The following CSTPP1 variants were observed in gnomAD, a reference collection of about 807,000 sequenced individuals.
CSTPP1 encodes the protein UPF0705 protein C11orf49.
the CSTPP1 span, among the ~76,000 whole-genome samples, chr11:47,127,112 G>C: frequency 6.6e-6 from 1 of 152,150 alleles, no homozygotes; most frequent in African/African-American, 2.4e-5. Context: ...ATCATAGGGA[G>C]CCAGTCTGTG....
At chr11:46,939,631 C>CATAGATAGATAG in the CSTPP1 span, among the ~76,000 whole-genome samples, 46 of 116,956 alleles carry the variant, frequency 3.9e-4, no homozygotes, top group East Asian at 4.9e-3. Flanking sequence ...CTCTAAAATG[C>CATAGATAGATAG]ATAGATAGAT....
chr11:46,969,129 A>T, the CSTPP1 span, among the ~76,000 whole-genome samples: 1,248 of 152,098 alleles, frequency 8.2e-3, 7 homozygotes, highest in Non-Finnish European at 0.013. Flanking sequence ...GGTCCCCATG[A>T]CTCCCACGGC....
At chr11:47,038,826 G>T in the CSTPP1 span, among the ~76,000 whole-genome samples, 1 of 120,076 alleles carries the variant, frequency 8.3e-6, no homozygotes, top group Non-Finnish European at 2.0e-5. Flanking sequence ...CTTCTCAGAC[G>T]GGGCGGTTGC....
chr11:47,163,173 TA>T, the CSTPP1 span, among the ~76,000 whole-genome samples: 3,207 of 108,182 alleles, frequency 0.03, 47 homozygotes, highest in South Asian at 0.1. Context: ...GAGACCATCT[TA>T]AAAAAAAAAA....
At chr11:47,056,996 C>A in the CSTPP1 span, among the ~76,000 whole-genome samples, 7 of 152,160 alleles carry the variant, frequency 4.6e-5, no homozygotes, top group Admixed American at 4.6e-4. Flanking sequence ...ACCTGTAGAA[C>A]TCTAAGGACC....
the CSTPP1 span, among the ~76,000 whole-genome samples, chr11:46,966,192 G>A: frequency 1.3e-5 from 2 of 152,058 alleles, no homozygotes; most frequent in African/African-American, 4.8e-5. Context: ...ACAGACGTGC[G>A]CCACCATGCC....
chr11:46,938,015 C>T, the CSTPP1 span, among the ~76,000 whole-genome samples: 293 of 152,136 alleles, frequency 1.9e-3, 1 homozygote, highest in African/African-American at 6.7e-3. Flanking sequence ...GTTGAGATTA[C>T]AGGCATGCGC....
chr11:46,959,595 G>A, the CSTPP1 span, among the ~76,000 whole-genome samples: 5 of 152,164 alleles, frequency 3.3e-5, no homozygotes, highest in South Asian at 2.1e-4. Context: ...TTACTCCCAC[G>A]GCTTTAGAGG....
the CSTPP1 span, chr11:47,164,239 A>G: frequency 1.2e-6 from 2 of 1,609,746 alleles, no homozygotes; most frequent in Admixed American, 1.7e-5. Context: ...TACCGGTGGG[A>G]GCCCAGAGAG....
At chr11:46,947,004 T>TC in the CSTPP1 span, among the ~76,000 whole-genome samples, 1 of 152,182 alleles carries the variant, frequency 6.6e-6, no homozygotes, top group African/African-American at 2.4e-5. Flanking sequence ...ACTATGTTTT[T>TC]CCCCCCTTCC....
the CSTPP1 span, among the ~76,000 whole-genome samples, chr11:47,026,021 G>C: frequency 7.2e-5 from 11 of 152,182 alleles, no homozygotes; most frequent in African/African-American, 2.7e-4. Context: ...GCAGATGACT[G>C]AGGGAGGCCT....
At chr11:47,107,124 C>T in the CSTPP1 span, among the ~76,000 whole-genome samples, 46 of 152,230 alleles carry the variant, frequency 3.0e-4, no homozygotes, top group Non-Finnish European at 5.4e-4. Context: ...GGTGTGCAGT[C>T]GGGATGTTTG....
At chr11:47,158,627 C>G in the CSTPP1 span, among the ~76,000 whole-genome samples, 1 of 152,120 alleles carries the variant, frequency 6.6e-6, no homozygotes, top group Non-Finnish European at 1.5e-5. Context: ...CCTCGACCTC[C>G]CGGGCTCAAG....
At chr11:47,027,430 C>T in the CSTPP1 span, among the ~76,000 whole-genome samples, 2 of 152,266 alleles carry the variant, frequency 1.3e-5, no homozygotes, top group African/African-American at 2.4e-5. Flanking sequence ...AGGTCCTTTG[C>T]GTAGCCTTCC....
At chr11:47,064,496 AGGTATTAGGTAAG>A in the CSTPP1 span, among the ~76,000 whole-genome samples, 1 of 152,036 alleles carries the variant, frequency 6.6e-6, no homozygotes, top group Non-Finnish European at 1.5e-5. Flanking sequence ...TTTTTATGTA[AGGTATTAGGTAAG>A]GGTCCAACTT....
chr11:46,998,420 C>T, the CSTPP1 span, among the ~76,000 whole-genome samples: 1 of 152,190 alleles, frequency 6.6e-6, no homozygotes, highest in Admixed American at 6.5e-5. Context: ...GCCAAGCAGG[C>T]TGTTTCTTGT....
At chr11:46,987,138 C>T in the CSTPP1 span, 1 of 1,479,008 alleles carries the variant, frequency 6.8e-7, no homozygotes, top group East Asian at 2.3e-5. Context: ...TGACCTCCTA[C>T]TAGGATTGGG....
chr11:47,069,860 T>C, the CSTPP1 span, among the ~76,000 whole-genome samples: 4 of 152,136 alleles, frequency 2.6e-5, no homozygotes, highest in Non-Finnish European at 5.9e-5. Context: ...ATTACCGGCA[T>C]GTGCCACCAT....
At chr11:46,951,532 G>A in the CSTPP1 span, among the ~76,000 whole-genome samples, 26 of 152,068 alleles carry the variant, frequency 1.7e-4, no homozygotes, top group Non-Finnish European at 3.2e-4. Flanking sequence ...TGATCCACCC[G>A]CCTTGGCCTC....
Sources: gnomAD v4.1 joint callset for allele counts (sites outside exome capture counted in the v4.1 genomes callset) on GRCh38, gnomAD v4.1.1 for gene constraint, MANE v1.5 for transcripts, NCBI Gene and HGNC (gene_info 2026-07-23, HGNC 2026-07-21) for gene names.